The following IL1RAPL1 variants were observed in gnomAD, a reference collection of about 807,000 sequenced individuals.
IL1RAPL1 encodes interleukin 1 receptor accessory protein like 1.
IL1RAPL1 carries 3 observed loss-of-function variants against 48.4 expected under a neutral mutation model. The observed-to-expected ratio is 0.06, with a 90% confidence interval of 0.03 to 0.16. IL1RAPL1 has a LOEUF of 0.16. Among genes scored for constraint, IL1RAPL1 ranks in the 10% least tolerant of loss-of-function variants. IL1RAPL1 has a pLI of 1.00. For missense variants in IL1RAPL1, 349 were observed against 530.6 expected (o/e 0.66, Z 3.36); for synonymous variants, 185 against 187.7 (o/e 0.99, Z 0.12).
intron 1 of IL1RAPL1, among the ~76,000 whole-genome samples, chrX:28,709,549 A>G (rs1305209401): frequency 9.0e-6 from 1 of 111,240 alleles, no homozygotes; most frequent in Non-Finnish European, 1.9e-5. Context: ...TCAGCCTTGA[A>G]TGAAGGGTGT....
intron 6 of IL1RAPL1, among the ~76,000 whole-genome samples, chrX:29,805,766 G>A (rs1427439758): frequency 9.1e-6 from 1 of 110,281 alleles, no homozygotes; most frequent in Non-Finnish European, 1.9e-5. Context: ...AAACCTTGGA[G>A]ATGAATGACA....
intron 3 of IL1RAPL1, among the ~76,000 whole-genome samples, chrX:29,341,440 A>G (rs1194697639): frequency 8.9e-6 from 1 of 112,358 alleles, no homozygotes; most frequent in Non-Finnish European, 1.9e-5. Context: ...TATAGAAGAC[A>G]AAATAGAATA....
At chrX:28,790,650 A>C (rs1936526755) in intron 2 of IL1RAPL1, among the ~76,000 whole-genome samples, 1 of 112,423 alleles carries the variant, frequency 8.9e-6, no homozygotes, top group African/African-American at 3.2e-5. Context: ...GGTTATAGGC[A>C]ACGTGAAAAA....
intron 3 of IL1RAPL1, among the ~76,000 whole-genome samples, chrX:29,333,698 C>T (rs1236680650): frequency 6.6e-5 from 5 of 76,164 alleles, no homozygotes; most frequent in South Asian, 1.4e-3. Context: ...GGTGGCTGGC[C>T]GGGCGGGGGG....
intron 5 of IL1RAPL1, among the ~76,000 whole-genome samples, chrX:29,437,957 ATTC>A (rs1057071571): frequency 9.0e-6 from 1 of 111,105 alleles, no homozygotes; most frequent in African/African-American, 3.3e-5. Context: ...ATTGATGCTA[ATTC>A]TTCTTTAAAT....
chrX:29,644,014 T>G (rs1219191628), intron 5 of IL1RAPL1, among the ~76,000 whole-genome samples: 3 of 112,291 alleles, frequency 2.7e-5, no homozygotes, highest in Admixed American at 9.5e-5. Flanking sequence ...ATGAGGAATC[T>G]GAGCTTCAAA....
intron 1 of IL1RAPL1, among the ~76,000 whole-genome samples, chrX:28,609,204 T>A (rs1347422135): frequency 8.9e-6 from 1 of 112,173 alleles, no homozygotes; most frequent in Non-Finnish European, 1.9e-5. Flanking sequence ...AGAAAAGCTA[T>A]TGAGTGTCTA....
intron 2 of IL1RAPL1, among the ~76,000 whole-genome samples, chrX:29,226,235 C>T (rs938342406): frequency 9.0e-6 from 1 of 111,304 alleles, no homozygotes; most frequent in African/African-American, 3.3e-5. Context: ...TTTCATACTT[C>T]TAGAGGCCTA....
rs181177395 is a variant in IL1RAPL1, at chrX:29,781,904, G to T, written c.778+113400G>T. Among the ~76,000 whole-genome samples the T allele has an allele frequency of 2.7e-5, 3 of 111,159 alleles. No homozygotes were observed. In the Admixed American group the frequency reaches 2.9e-4, roughly 11 times the overall value. On this transcript the variant is annotated intron_variant, in intron 6 of 10. Coordinates refer to ENST00000378993, the MANE Select transcript of IL1RAPL1 (RefSeq NM_014271.4). ...CTTTGGAAGGGATTTTTCCTTTCCA[G>T]TCTCCCAGGTCTTGGTAAACCTCTA... is the stretch of plus-strand genomic sequence containing the variant.
chrX:28,857,290 G>C (rs1225362932), intron 2 of IL1RAPL1, among the ~76,000 whole-genome samples: 1 of 112,272 alleles, frequency 8.9e-6, no homozygotes, highest in Admixed American at 9.5e-5. Flanking sequence ...TGTTGTAGAA[G>C]CTGCAGCAAG....
intron 6 of IL1RAPL1, among the ~76,000 whole-genome samples, chrX:29,875,110 T>G (rs1217547193): frequency 8.9e-6 from 1 of 111,992 alleles, no homozygotes; most frequent in African/African-American, 3.2e-5. Context: ...TTTGATCAAA[T>G]TATTGTTTAT....
chrX:29,509,097 A>G (rs1935366314), intron 5 of IL1RAPL1, among the ~76,000 whole-genome samples: 1 of 112,020 alleles, frequency 8.9e-6, no homozygotes, highest in South Asian at 3.7e-4. Flanking sequence ...GAAGCTATAT[A>G]TTAAGAGATT....
At chrX:29,790,882 A>G (rs1045039066) in intron 6 of IL1RAPL1, among the ~76,000 whole-genome samples, 7 of 111,896 alleles carry the variant, frequency 6.3e-5, no homozygotes, top group Non-Finnish European at 1.3e-4. Context: ...ATCAAGTCCA[A>G]ACTCCTTATC....
intron 2 of IL1RAPL1, among the ~76,000 whole-genome samples, chrX:29,018,847 G>T (rs751657063): frequency 1.8e-5 from 2 of 112,052 alleles, no homozygotes; most frequent in Admixed American, 9.5e-5. Flanking sequence ...ATTAGTGCTT[G>T]CCAGGTTCTG....
At chrX:28,651,273 A>C (rs1934679890) in intron 1 of IL1RAPL1, among the ~76,000 whole-genome samples, 1 of 112,385 alleles carries the variant, frequency 8.9e-6, no homozygotes, top group Non-Finnish European at 1.9e-5. Context: ...ATATTCCATT[A>C]TGCACATAAA....
chrX:29,591,601 G>A (rs1027120924), intron 5 of IL1RAPL1, among the ~76,000 whole-genome samples: 34 of 112,254 alleles, frequency 3.0e-4, no homozygotes, highest in African/African-American at 1.1e-3. Context: ...CCACAGGGCT[G>A]AGCAGGATGT....
chrX:28,662,141 C>T (rs1046421128), intron 1 of IL1RAPL1, among the ~76,000 whole-genome samples: 1 of 110,071 alleles, frequency 9.1e-6, no homozygotes, highest in African/African-American at 3.3e-5. Flanking sequence ...CCTGTGTGGC[C>T]TGGGTCTAGA....
chrX:29,946,827 G>T (rs1021451464), intron 9 of IL1RAPL1, among the ~76,000 whole-genome samples: 1 of 111,914 alleles, frequency 8.9e-6, no homozygotes, highest in African/African-American at 3.2e-5. Flanking sequence ...CTCCAAGGGG[G>T]CAGACCACTG....
At chrX:29,736,542 A>G (rs1035089592) in intron 6 of IL1RAPL1, among the ~76,000 whole-genome samples, 3 of 111,983 alleles carry the variant, frequency 2.7e-5, no homozygotes, top group African/African-American at 6.5e-5. Context: ...CCTGGCCAAC[A>G]TGGTGAAACC....
Sources: gnomAD v4.1 joint callset for allele counts (sites outside exome capture counted in the v4.1 genomes callset) on GRCh38, gnomAD v4.1.1 for gene constraint, MANE v1.5 for transcripts, NCBI Gene and HGNC (gene_info 2026-07-23, HGNC 2026-07-21) for gene names.